ESCO1: variants seen among roughly 807,000 people sequenced by gnomAD.
ESCO1 encodes the protein establishment of sister chromatid cohesion N-acetyltransferase 1.
In ESCO1, 33 loss-of-function variants were observed where a neutral mutation model predicts 83.5. The ratio of observed to expected loss-of-function variants is 0.40; its 90% CI spans 0.30 to 0.53. ESCO1 has a LOEUF of 0.53. Ranked by LOEUF, ESCO1 falls within the 20% of genes least tolerant of loss-of-function variation. ESCO1 has a pLI of 0.63. For synonymous variants in ESCO1, 332 were observed against 324.3 expected (o/e 1.02, Z -0.25); for missense variants, 855 against 968.0 (o/e 0.88, Z 1.55).
At chr18:21,543,081 C>T (rs1210931907) in intron 8 of ESCO1, among the ~76,000 whole-genome samples, 1 of 152,214 alleles carries the variant, frequency 6.6e-6, no homozygotes, top group Non-Finnish European at 1.5e-5. Context: ...TTACTTCATC[C>T]ATTTCTGCTT....
chr18:21,549,998 G>A (rs1321635111), intron 8 of ESCO1, among the ~76,000 whole-genome samples: 1 of 151,424 alleles, frequency 6.6e-6, no homozygotes, highest in Admixed American at 6.6e-5. Context: ...AAAGATCACT[G>A]TACCTACTGT....
chr18:21,582,253 G>C (rs2038513313), intron 2 of ESCO1, among the ~76,000 whole-genome samples: 1 of 150,518 alleles, frequency 6.6e-6, no homozygotes. Flanking sequence ...TTTTGAGATG[G>C]AGTTTCGCTC....
At chr18:21,531,467 G>T (rs957562657) in intron 11 of ESCO1, among the ~76,000 whole-genome samples, 1 of 151,796 alleles carries the variant, frequency 6.6e-6, no homozygotes, top group Non-Finnish European at 1.5e-5. Flanking sequence ...GGGAATAAAT[G>T]TAACAAAAGA....
chr18:21,596,987 A>G (rs1161526783), intron 1 of ESCO1: 2 of 152,182 alleles, frequency 1.3e-5, no homozygotes, highest in East Asian at 3.8e-4. Context: ...TGATATGGGG[A>G]CTCTCAGGAT....
intron 4 of ESCO1, among the ~76,000 whole-genome samples, chr18:21,570,611 TA>T (rs2038327092): frequency 6.6e-6 from 1 of 152,002 alleles, no homozygotes; most frequent in African/African-American, 2.4e-5. Context: ...ATCACAGAAA[TA>T]AAAACTGAAA....
At chr18:21,583,137 G>T (rs1162254670) in intron 2 of ESCO1, among the ~76,000 whole-genome samples, 1 of 151,594 alleles carries the variant, frequency 6.6e-6, no homozygotes, top group Non-Finnish European at 1.5e-5. Flanking sequence ...AGCCGAAATC[G>T]TGCCACTGTA....
In ESCO1 at chr18:21,540,679, C is replaced by T. The variant is rs369884269; in HGVS notation, c.1954-670G>A. 7 of 1,302,660 alleles carry T rather than the reference C, an allele frequency of 5.4e-6. No homozygotes were observed. In the African/African-American group the frequency reaches 6.2e-5, roughly 12 times the overall value. The allele number at this position is 1,302,660 out of a possible 1,614,324, so 80.7% of individuals were successfully genotyped here. ...ATAAACTCTTCTTCAGATCCACACT[C>T]GTGGTGATTAATGAGCAGAACCTGC... On this transcript the variant is annotated intron_variant, in intron 8 of 11. Coordinates refer to ENST00000269214, the MANE Select transcript of ESCO1 (RefSeq NM_052911.3).
chr18:21,543,770 CAG>C (rs1007945659), intron 8 of ESCO1, among the ~76,000 whole-genome samples: 3 of 152,014 alleles, frequency 2.0e-5, no homozygotes, highest in Admixed American at 2.0e-4. Flanking sequence ...GGGAAAAAAA[CAG>C]AACCAGGGAG....
Position 21,532,609 on chromosome 18 carries a change from T to C in ESCO1, c.2239A>G (p.Lys747Glu). ...GCTTTTTGCCTTTCAAATCTGACTT[T>C]TTCTTCTTCTGACCTGATAACTGGA... ...KLPVIRSEEE[K>E]VRFERQKAWC... Residue 747 changes from lysine to glutamate, a missense_variant, in exon 11 of 12, where the codon AAA (lysine) becomes GAA (glutamate). Physicochemically the swap from Lys to Glu is moderately conservative, Grantham distance 56. Coordinates refer to ENST00000269214, the MANE Select transcript of ESCO1 (RefSeq NM_052911.3). 4 of 1,614,176 alleles carry C rather than the reference T, an allele frequency of 2.5e-6. No individual in the cohort carries two copies. Among genetic ancestry groups the C allele is most frequent in the Non-Finnish European group, 3.4e-6 (4 of 1,180,028 alleles).
intron 1 of ESCO1, chr18:21,593,321 G>C (rs1224382955): frequency 6.0e-6 from 1 of 168,036 alleles, no homozygotes; most frequent in Admixed American, 6.4e-5. Context: ...GAGTGAACCA[G>C]ACACCGTCTG....
chr18:21,579,957 G>A (rs12963700), intron 2 of ESCO1, among the ~76,000 whole-genome samples: 11 of 149,580 alleles, frequency 7.4e-5, no homozygotes, highest in African/African-American at 2.0e-4. Flanking sequence ...GTGCAGTGGC[G>A]CAATCTTGGC....
intron 2 of ESCO1, among the ~76,000 whole-genome samples, chr18:21,584,023 A>G (rs2038540036): frequency 1.3e-5 from 2 of 152,184 alleles, no homozygotes; most frequent in South Asian, 2.1e-4. Context: ...TGGAAGGAAG[A>G]GAATATACAG....
chr18:21,557,608 G>A (rs2038129257), intron 8 of ESCO1, among the ~76,000 whole-genome samples: 1 of 152,192 alleles, frequency 6.6e-6, no homozygotes, highest in Non-Finnish European at 1.5e-5. Context: ...TGAGAGTAGT[G>A]CTCTCCACAC....
intron 4 of ESCO1, among the ~76,000 whole-genome samples, chr18:21,571,576 A>G (rs1202838768): frequency 3.9e-5 from 6 of 152,240 alleles, no homozygotes; most frequent in Non-Finnish European, 5.9e-5. Context: ...TCAAAGGTCA[A>G]AATAATGTGG....
chr18:21,588,499 T>C (rs991596448), intron 1 of ESCO1, among the ~76,000 whole-genome samples: 2 of 150,680 alleles, frequency 1.3e-5, no homozygotes, highest in South Asian at 2.1e-4. Context: ...CTAAAGTCAA[T>C]GCCAAATGGA....
chr18:21,552,351 T>C (rs572438439), intron 8 of ESCO1, among the ~76,000 whole-genome samples: 9 of 152,166 alleles, frequency 5.9e-5, no homozygotes, highest in Admixed American at 2.6e-4. Flanking sequence ...TGGGAGGTAA[T>C]TGACTCATGG....
intron 1 of ESCO1, among the ~76,000 whole-genome samples, chr18:21,600,018 G>A (rs771103729): frequency 6.6e-6 from 1 of 152,288 alleles, no homozygotes; most frequent in Non-Finnish European, 1.5e-5. Context: ...CCCATTTGCA[G>A]CATGAGTTAC....
intron 4 of ESCO1, among the ~76,000 whole-genome samples, chr18:21,570,757 T>A (rs911616930): frequency 6.6e-6 from 1 of 152,022 alleles, no homozygotes; most frequent in African/African-American, 2.4e-5. Context: ...GTTGGGAGGA[T>A]CAGGAGGTCA....
At chr18:21,588,671 C>A (rs1323520745) in intron 1 of ESCO1, among the ~76,000 whole-genome samples, 1 of 152,074 alleles carries the variant, frequency 6.6e-6, no homozygotes, top group East Asian at 1.9e-4. Flanking sequence ...AATACTAACA[C>A]TATGGGAGGC....
Sources: allele counts gnomAD v4.1 joint callset (sites outside exome capture counted in the v4.1 genomes callset), GRCh38; gene constraint gnomAD v4.1.1; transcripts MANE v1.5; gene names NCBI Gene and HGNC (gene_info 2026-07-23, HGNC 2026-07-21).